NAGLU: variants seen among roughly 807,000 people sequenced by gnomAD.
The protein encoded by NAGLU is N-acetyl-alpha-glucosaminidase.
Under a neutral mutation model 43.4 loss-of-function variants are expected in NAGLU, and 34 were observed. The ratio of observed to expected loss-of-function variants is 0.78; its 90% CI spans 0.60 to 1.04. The LOEUF is 1.04. Ranked by LOEUF, NAGLU falls within the 50% of genes least tolerant of loss-of-function variation. NAGLU has a pLI of 0.00. For synonymous variants in NAGLU, 425 were observed against 437.6 expected, an observed-to-expected ratio of 0.97 and a Z score of 0.36; for missense variants, 910 against 993.7, an observed-to-expected ratio of 0.92 and a Z score of 1.13.
chr17:42,537,562 C>T lies in NAGLU; in HGVS notation c.531+17C>T, dbSNP rs1370631781. 6.2e-7 allele frequency: 1 copy of T among 1,612,766 alleles called. No individual in the cohort carries two copies. Among genetic ancestry groups the T allele is most frequent in the African/African-American group, 1.3e-5 (1 of 74,930 alleles). On this transcript the variant is annotated intron_variant, in intron 2 of 5. Transcript: ENST00000225927. ...TGGCAGCGGGTGCGTGCCCACTGTC[C>T]CTTCCCCACCCTCCTCTATGGCGGG...
chr17:42,540,323 A>C (rs2143094810), intron 4 of NAGLU, among the ~76,000 whole-genome samples: 1 of 151,518 alleles, frequency 6.6e-6, no homozygotes, highest in East Asian at 1.9e-4. Flanking sequence ...TGATGGGTGC[A>C]GCAAACCACC....
At chr17:42,538,780 C>G in intron 4 of NAGLU, 25 bp downstream of exon 4, 1 of 1,612,574 alleles carries the variant, frequency 6.2e-7, no homozygotes, top group Non-Finnish European at 8.5e-7. Context: ...ACCCCCTCCA[C>G]TTAGCTCAGA....
chr17:42,543,018 C>G lies in NAGLU; in HGVS notation c.1022-10C>G. 1 of 1,600,756 alleles carries G rather than the reference C, an allele frequency of 6.2e-7. No individual in the cohort carries two copies. The highest frequency in any genetic ancestry group is 8.5e-7 in the Non-Finnish European group (1 of 1,179,972). ...TCCTCTTCTCTGTTCCCCCTACCTC[C>G]TGTCCACAGTGGATACTGAGGCTGT... On this transcript the variant is annotated splice_polypyrimidine_tract_variant and intron_variant, in intron 5 of 5. Coordinates refer to ENST00000225927, the MANE Select transcript of NAGLU (RefSeq NM_000263.4).
chr17:42,542,894 A>G (rs914938682), intron 5 of NAGLU, 134 bp from the exon 6 acceptor site: 7 of 1,368,228 alleles, frequency 5.1e-6, no homozygotes, highest in Admixed American at 5.1e-5. Flanking sequence ...TATGTGCCAC[A>G]GAGCGTCCCG....
rs1599261883 is a variant in NAGLU at position 42,543,844 on chromosome 17, A to G, written c.1838A>G (p.Asp613Gly). 6.2e-7 allele frequency: 1 copy of G among 1,600,218 alleles called. No individual in the cohort carries two copies. The highest frequency in any genetic ancestry group is 1.7e-5 in the Admixed American group (1 of 57,710). Residue 613 changes from aspartate to glycine, a missense_variant, in exon 6 of 6, where the codon GAC becomes GGC. Transcript: ENST00000225927. ...LPALDEVLAS[D>G]SRFLLGSWLE... ...GCACTGGACGAGGTGCTGGCTAGTGACAGCCGCTTCTTGCTGGGCAGCTGG... is the reference window on the plus strand; with the variant it reads ...GCACTGGACGAGGTGCTGGCTAGTGGCAGCCGCTTCTTGCTGGGCAGCTGG...
chr17:42,539,134 A>G (rs749517896), intron 4 of NAGLU, among the ~76,000 whole-genome samples: 27 of 152,214 alleles, frequency 1.8e-4, no homozygotes, highest in Admixed American at 8.5e-4. Flanking sequence ...CAAACAAACA[A>G]GCTCTGGACG....
intron 5 of NAGLU, among the ~76,000 whole-genome samples, chr17:42,541,992 C>G (rs2092922778): frequency 6.6e-6 from 1 of 152,048 alleles, no homozygotes; most frequent in Non-Finnish European, 1.5e-5. Flanking sequence ...CCTTCGTCTC[C>G]TAGGTTCAAG....
Position 42,536,265 on chromosome 17 carries a change from C to T in NAGLU, c.-8C>T. On this transcript the variant is annotated 5_prime_UTR_variant, in exon 1 of 6. Transcript: ENST00000225927. ...CCTGGCCGTCGCGGGACCCGCAGGA[C>T]TGAGACCATGGAGGCGGTGGCGGTG... is the stretch of plus-strand genomic sequence containing the variant. 1.6e-6 allele frequency: 2 copies of T among 1,218,142 alleles called. No individual in the cohort carries two copies. Among genetic ancestry groups the T allele is most frequent in the Non-Finnish European group, 2.0e-6 (2 of 979,058 alleles). 75.5% of individuals were successfully genotyped at this position (1,218,142 alleles called of 1,614,324 possible).
Position 42,537,595 on chromosome 17 carries a change from G to C in NAGLU, c.531+50G>C, listed in dbSNP as rs2071046. 1,169,721 of 1,603,722 alleles carry C rather than the reference G, an allele frequency of 0.73. 428,346 individuals carry two copies. Among genetic ancestry groups the C allele is most frequent in the Admixed American group, 0.82 (48,905 of 59,438 alleles). ...ACCCTCCTCTATGGCGGGAGCCACC[G>C]TAGGTGTTTTCACCCGCCCCCCAGC... On this transcript the variant is annotated intron_variant, in intron 2 of 5. Coordinates refer to ENST00000225927, the MANE Select transcript of NAGLU (RefSeq NM_000263.4).
chr17:42,541,981 A>G (rs756033476), intron 5 of NAGLU, among the ~76,000 whole-genome samples: 38 of 151,978 alleles, frequency 2.5e-4, no homozygotes, highest in Non-Finnish European at 4.7e-4. Context: ...TCTCACTGCA[A>G]CCTTCGTCTC....
rs1483372695 is a variant in NAGLU at position 42,536,488 on chromosome 17, G to C, written c.216G>C (p.Ala72=). The C allele has an allele frequency of 8.2e-7, 1 of 1,221,642 alleles. No homozygotes were observed. The highest frequency in any genetic ancestry group is 1.0e-6 in the Non-Finnish European group (1 of 983,794). 75.7% of individuals were successfully genotyped at this position (1,221,642 alleles called of 1,614,324 possible). Residue 72 remains alanine (A), a synonymous_variant, in exon 1 of 6, where the codon GCG becomes GCC. Coordinates refer to ENST00000225927, the MANE Select transcript of NAGLU (RefSeq NM_000263.4). ...LDTYSLGGGG[A]ARVRVRGSTG... ...CCTACAGCCTGGGCGGCGGCGGCGCGGCGCGCGTGCGGGTGCGCGGCTCCA... is the reference window on the plus strand; with the variant it reads ...CCTACAGCCTGGGCGGCGGCGGCGCCGCGCGCGTGCGGGTGCGCGGCTCCA...
At position 42,544,255 on chromosome 17, in the gene NAGLU, G is replaced by A. The variant is rs1226832669; in HGVS notation, c.*17G>A. 4.4e-6 allele frequency: 7 copies of A among 1,605,780 alleles called. No individual in the cohort carries two copies. Among genetic ancestry groups the A allele is most frequent in the African/African-American group, 1.3e-5 (1 of 75,038 alleles). On this transcript the variant is annotated 3_prime_UTR_variant, in exon 6 of 6. Transcript: ENST00000225927. The stretch of plus-strand genomic sequence containing the variant: ...TCTTGGTGATAGATTCGCCACCACT[G>A]GGCCTTGTTTTCCGCTAATTCCAGG...
In NAGLU at chr17:42,538,729, G is replaced by C; in HGVS notation, c.738G>C (p.Ala246=). The C allele has an allele frequency of 6.2e-7, 1 of 1,614,022 alleles. No individual in the cohort carries two copies. ...FGMTPVLPAF[A]GHVPEAVTRV... ...TGACCCCAGTGCTGCCTGCATTCGC[G>C]GGGCATGTTCCCGAGGCTGTCACCA... The change falls in exon 4 of 6, where the codon GCG becomes GCC. Residue 246 remains alanine, a synonymous_variant. Transcript: ENST00000225927.
Position 42,538,619 on chromosome 17 carries a change from C to G in NAGLU, c.679-51C>G, listed in dbSNP as rs1355340828. ...GTGTATCCTGGGAGATGAGGGCCTT[C>G]TCATAGGACAGCAGTGGCCATGCTC... On this transcript the variant is annotated intron_variant, in intron 3 of 5. Coordinates refer to ENST00000225927, the MANE Select transcript of NAGLU (RefSeq NM_000263.4). 1.9e-6 allele frequency: 3 copies of G among 1,612,856 alleles called. No homozygotes were observed. In the East Asian group the frequency reaches 6.7e-5, roughly 36 times the overall value.
intron 4 of NAGLU, 138 bp from the exon 5 acceptor site, chr17:42,540,812 A>C: frequency 8.0e-7 from 1 of 1,242,536 alleles, no homozygotes; most frequent in Non-Finnish European, 1.2e-6. Context: ...AAAGGACTGT[A>C]GGCAGAGAGC....
chr17:42,541,650 C>T (rs940865882), intron 5 of NAGLU, among the ~76,000 whole-genome samples: 4 of 152,204 alleles, frequency 2.6e-5, no homozygotes, highest in Non-Finnish European at 4.4e-5. Context: ...GCACTAAGTG[C>T]GCATCCTGCT....
Position 42,543,172 on chromosome 17 carries a change from C to T in NAGLU, c.1166C>T (p.Pro389Leu), listed in dbSNP as rs1341789687. ...LVLDLFAESQ[P>L]VYTRTASFQG... ...CTGGACCTGTTTGCTGAGAGCCAGC[C>T]TGTGTATACCCGCACTGCCTCCTTC... Residue 389 changes from proline to leucine, a missense_variant, in exon 6 of 6, where the codon CCT becomes CTT. By Grantham distance (98) the Pro-to-Leu change is moderately conservative. Transcript: ENST00000225927. 1 of 1,614,198 alleles carries T rather than the reference C, an allele frequency of 6.2e-7. No homozygotes were observed. Among genetic ancestry groups the T allele is most frequent in the Non-Finnish European group, 8.5e-7 (1 of 1,180,042 alleles).
rs1487167711 is a variant in NAGLU, at chr17:42,536,594, C to T, written c.322C>T (p.Leu108=). 4 of 1,494,684 alleles carry T rather than the reference C, an allele frequency of 2.7e-6. No individual in the cohort carries two copies. The highest frequency in any genetic ancestry group is 3.5e-6 in the Non-Finnish European group (4 of 1,130,164). The allele number at this position is 1,494,684 out of a possible 1,614,324, so 92.6% of individuals were successfully genotyped here. A position where few individuals can be genotyped will look rare whatever the true frequency, so the allele number is the denominator to read the frequency against. The change falls in exon 1 of 6, where the codon CTG becomes TTG. Residue 108 remains leucine (L), a synonymous_variant. Transcript: ENST00000225927. The part of the protein sequence containing the change: ...GCHVAWSGSQ[L]RLPRPLPAVP... ...CCACGTGGCCTGGTCCGGCTCTCAGCTGCGCCTGCCGCGGCCACTGCCAGC... is the reference window on the plus strand; with the variant it reads ...CCACGTGGCCTGGTCCGGCTCTCAGTTGCGCCTGCCGCGGCCACTGCCAGC...
In NAGLU at chr17:42,542,957, T is replaced by C. The variant is rs921338079; in HGVS notation, c.1022-71T>C. 9 of 1,590,860 alleles carry C rather than the reference T, an allele frequency of 5.7e-6. No individual in the cohort carries two copies. The Admixed American group carries it at 1.0e-4, about 18-fold the overall frequency. ...CTGGGATAGACAGTCGTCTGTAGAGTGGGGTGAACATTCCCTGGGCCCTCT... is the reference window on the plus strand; with the variant it reads ...CTGGGATAGACAGTCGTCTGTAGAGCGGGGTGAACATTCCCTGGGCCCTCT... On this transcript the variant is annotated intron_variant, in intron 5 of 5. Coordinates refer to ENST00000225927, the MANE Select transcript of NAGLU (RefSeq NM_000263.4).
Sources: gnomAD v4.1 joint callset for allele counts (sites outside exome capture counted in the v4.1 genomes callset) on GRCh38, gnomAD v4.1.1 for gene constraint, MANE v1.5 for transcripts, NCBI Gene and HGNC (gene_info 2026-07-23, HGNC 2026-07-21) for gene names.